Variants in ZDHHC11B observed in about 807,000 individuals in gnomAD.
The protein encoded by ZDHHC11B is probable palmitoyltransferase ZDHHC11B.
In ZDHHC11B, 17 loss-of-function variants were observed where a neutral mutation model predicts 42.3. The ratio of observed to expected loss-of-function variants is 0.40; its 90% CI spans 0.27 to 0.60. The LOEUF (loss-of-function observed/expected upper bound fraction) is 0.60. Among genes scored for constraint, ZDHHC11B ranks in the 20% least tolerant of loss-of-function variants. The pLI is 0.41. For missense variants in ZDHHC11B, 262 were observed against 463.2 expected (o/e 0.57, Z 3.99); for synonymous variants, 123 against 193.5 (o/e 0.64, Z 3.02).
chr5:754,736 G>A (rs1733574226), intron 6 of ZDHHC11B, among the ~76,000 whole-genome samples: 1 of 104,446 alleles, frequency 9.6e-6, no homozygotes, highest in African/African-American at 3.0e-5. Flanking sequence ...GCCTCAGCCA[G>A]CGTGGCCCCG....
At chr5:749,652 C>G (rs1256235412) in intron 7 of ZDHHC11B, among the ~76,000 whole-genome samples, 2 of 130,068 alleles carry the variant, frequency 1.5e-5, no homozygotes, top group African/African-American at 5.0e-5. Context: ...GGAATTCGCT[C>G]AGGCCACAAT....
chr5:772,348 G>A (rs1477144816), intron 1 of ZDHHC11B, among the ~76,000 whole-genome samples: 3 of 146,402 alleles, frequency 2.0e-5, no homozygotes, highest in Admixed American at 6.9e-5. Context: ...TGGGGGCCGT[G>A]GGGGAGAGGG....
intron 6 of ZDHHC11B, among the ~76,000 whole-genome samples, chr5:754,069 C>T (rs1435392498): frequency 2.2e-4 from 28 of 130,152 alleles, no homozygotes; most frequent in African/African-American, 3.5e-4. Flanking sequence ...AACAACCTCT[C>T]GTTCTTGAGC....
chr5:774,059 T>C (rs1263086242), intron 1 of ZDHHC11B, among the ~76,000 whole-genome samples: 1 of 151,816 alleles, frequency 6.6e-6, no homozygotes, highest in Non-Finnish European at 1.5e-5. Flanking sequence ...GTCCCAGGTG[T>C]GTCACCAGCT....
rs538803864 is a variant in ZDHHC11B, at chr5:766,273, C to G, written c.222+425G>C. ...GACAGGAGCAGACACGGGCTTCCCC[C>G]TCTTTGGGAGACGGGAGCAGACCCG... On this transcript the variant is annotated intron_variant, in intron 4 of 13. Coordinates refer to ENST00000508859, the MANE Select transcript of ZDHHC11B (RefSeq NM_001351303.2). Among the ~76,000 whole-genome samples, 299 of 149,362 alleles carry G rather than the reference C, an allele frequency of 2.0e-3. 2 individuals are homozygous for G. The highest frequency in any genetic ancestry group is 7.0e-3 in the African/African-American group (284 of 40,558).
rs1290983791 is a variant in ZDHHC11B at position 776,949 on chromosome 5, G to A, written c.-230+7719C>T. On this transcript the variant is annotated intron_variant, in intron 1 of 13. Transcript: ENST00000508859. ...CCACTCTTCTCAGCCCAGGCCGCCT[G>A]TCAGGCAGGCAGAGCTCCCAATCAG... Among the ~76,000 whole-genome samples the A allele has an allele frequency of 1.1e-4, 16 of 152,026 alleles. No homozygotes were observed. The East Asian group carries it at 2.9e-3, about 28-fold the overall frequency.
At chr5:749,639 G>C (rs2335612) in intron 7 of ZDHHC11B, among the ~76,000 whole-genome samples, 87,331 of 128,126 alleles carry the variant, frequency 0.68, 34,006 homozygotes, top group Middle Eastern at 0.8. Context: ...AACAGCAAAC[G>C]GAGGAATTCG....
intron 1 of ZDHHC11B, among the ~76,000 whole-genome samples, chr5:773,115 G>C (rs1443557682): frequency 6.6e-6 from 1 of 151,788 alleles, no homozygotes; most frequent in African/African-American, 2.4e-5. Flanking sequence ...TTTCCACAAT[G>C]ACGGTAATAA....
intron 4 of ZDHHC11B, among the ~76,000 whole-genome samples, chr5:759,363 G>A (rs1340397498): frequency 6.6e-6 from 1 of 151,920 alleles, no homozygotes; most frequent in Non-Finnish European, 1.5e-5. Context: ...CTGGGGCCCG[G>A]TGCGGTCACG....
chr5:777,574 G>A (rs1477535631), intron 1 of ZDHHC11B, among the ~76,000 whole-genome samples: 4 of 151,954 alleles, frequency 2.6e-5, no homozygotes, highest in Admixed American at 6.6e-5. Context: ...CCGGCTACCC[G>A]CTTTTATTCC....
intron 12 of ZDHHC11B, among the ~76,000 whole-genome samples, chr5:722,224 T>C (rs1742244443): frequency 1.3e-5 from 2 of 151,916 alleles, no homozygotes; most frequent in Non-Finnish European, 2.9e-5. Context: ...CTGTAATGCA[T>C]GATCTGGTTT....
chr5:762,356 G>C, intron 4 of ZDHHC11B, among the ~76,000 whole-genome samples: 1 of 152,032 alleles, frequency 6.6e-6, no homozygotes, highest in East Asian at 1.9e-4. Flanking sequence ...GATGCAGCAA[G>C]ATAGCGCCCA....
rs183465461 is a variant in ZDHHC11B at position 756,197 on chromosome 5, C to T, written c.223-53G>A. 1.6e-4 allele frequency: 228 copies of T among 1,463,404 alleles called. No homozygotes were observed. In the African/African-American group the frequency reaches 2.9e-3, roughly 18 times the overall value. 90.7% of individuals were successfully genotyped at this position (1,463,404 alleles called of 1,614,324 possible). A position where few individuals can be genotyped will look rare whatever the true frequency, so the allele number is the denominator to read the frequency against. ...AGGGCCTGGTCAGCCTGGCATGAGG[C>T]GTCCCCGTGAGGCCCAAGGTCCCAG... On this transcript the variant is annotated intron_variant, in intron 4 of 13. Transcript: ENST00000508859.
chr5:745,304 A>G lies in ZDHHC11B; in HGVS notation c.785-6T>C, dbSNP rs752814055. ...GGTGGTCATCTTCTTGGCCTCTGGA[A>G]AGGGAAAAGGAGGAACAGGACAAGT... On this transcript the variant is annotated splice_region_variant and splice_polypyrimidine_tract_variant and intron_variant, in intron 8 of 13. Transcript: ENST00000508859. The G allele has an allele frequency of 1.2e-6, 2 of 1,600,404 alleles. No homozygotes were observed. Among genetic ancestry groups the G allele is most frequent in the South Asian group, 2.2e-5 (2 of 89,748 alleles).
intron 1 of ZDHHC11B, among the ~76,000 whole-genome samples, chr5:775,904 A>C (rs1267140957): frequency 3.1e-4 from 46 of 147,554 alleles, no homozygotes; most frequent in Non-Finnish European, 5.9e-4. Flanking sequence ...GTATTCAGGC[A>C]TCTCTCAGCT....
intron 3 of ZDHHC11B, 60 bp downstream of exon 3, chr5:767,332 C>T: frequency 6.5e-7 from 1 of 1,548,306 alleles, no homozygotes; most frequent in Non-Finnish European, 8.8e-7. Flanking sequence ...CTCCGGGTCC[C>T]ACACCAGGGC....
chr5:780,634 C>A (rs1193721347), intron 1 of ZDHHC11B, among the ~76,000 whole-genome samples: 1 of 137,940 alleles, frequency 7.2e-6, no homozygotes, highest in African/African-American at 3.2e-5. Flanking sequence ...CCCAGAACGG[C>A]TGGCACTAGA....
intron 4 of ZDHHC11B, among the ~76,000 whole-genome samples, chr5:759,319 G>C (rs1172694577): frequency 5.9e-5 from 9 of 151,920 alleles, no homozygotes; most frequent in African/African-American, 2.2e-4. Context: ...CAGGAAAAGA[G>C]AGGAGGTGGA....
At chr5:762,009 G>A (rs1319592505) in intron 4 of ZDHHC11B, among the ~76,000 whole-genome samples, 6 of 149,624 alleles carry the variant, frequency 4.0e-5, no homozygotes, top group African/African-American at 1.5e-4. Flanking sequence ...AGCCAAGAGG[G>A]CCACTCAACT....
Sources: gnomAD v4.1 joint callset for allele counts (sites outside exome capture counted in the v4.1 genomes callset) on GRCh38, gnomAD v4.1.1 for gene constraint, MANE v1.5 for transcripts, NCBI Gene and HGNC (gene_info 2026-07-23, HGNC 2026-07-21) for gene names.